DLG4: variants seen among roughly 807,000 people sequenced by gnomAD.
DLG4 encodes discs large MAGUK scaffold protein 4.
DLG4 carries 7 observed loss-of-function variants against 93.8 expected under a neutral mutation model. The ratio of observed to expected loss-of-function variants is 0.07; its 90% CI spans 0.04 to 0.14. The LOEUF (loss-of-function observed/expected upper bound fraction) is 0.14, where lower values mean the gene tolerates loss of function less well. Ranked by LOEUF, DLG4 falls within the 10% of genes least tolerant of loss-of-function variation. The probability of loss-of-function intolerance (pLI) is 1.00; values close to 1 mark genes in which losing one functional copy is unlikely to be tolerated. For synonymous variants in DLG4, 341 were observed against 387.6 expected, an observed-to-expected ratio of 0.88 and a Z score of 1.41; for missense variants, 545 against 992.9, an observed-to-expected ratio of 0.55 and a Z score of 6.06.
At position 7,193,333 on chromosome 17, in the gene DLG4, G is replaced by C. The variant is rs997762537; in HGVS notation, c.1693+150C>G. On this transcript the variant is annotated intron_variant, in intron 16 of 19. Transcript: ENST00000399506. The surrounding 1 kb of genome is among the most constrained non-coding windows in gnomAD (Gnocchi z 6.7). ...TGGGCATGGGTACTATGGAATGAGA[G>C]GGTGGCTGAGAAGCACCCCTTCTCG... 6.1e-6 allele frequency: 6 copies of C among 990,478 alleles called. No individual in the cohort carries two copies. In the African/African-American group the frequency reaches 9.8e-5, roughly 16 times the overall value. 61.4% of individuals were successfully genotyped at this position (990,478 alleles called of 1,614,324 possible).
intron 2 of DLG4, chr17:7,204,469 G>A (rs2070349906): frequency 7.6e-6 from 4 of 524,366 alleles, no homozygotes; most frequent in Non-Finnish European, 1.3e-5. Flanking sequence ...ATGCACACGC[G>A]CAAGGATCTA....
intron 17 of DLG4, 89 bp from the exon 18 acceptor site, chr17:7,192,091 T>G (rs1597439601): frequency 1.5e-5 from 10 of 683,316 alleles, no homozygotes; most frequent in South Asian, 6.3e-5. Context: ...CGGGGAGAGG[T>G]GGGGAATGGG....
In DLG4 at chr17:7,193,429, C is replaced by T. The variant is rs992745660; in HGVS notation, c.1693+54G>A. On this transcript the variant is annotated intron_variant, in intron 16 of 19. Coordinates refer to ENST00000399506, the MANE Select transcript of DLG4 (RefSeq NM_001321075.3). This position sits in a 1 kb window ranked among gnomAD's most constrained non-coding sequence, Gnocchi z 6.7. ...GCCTATGGCCCCAGGGATGGGCCTC[C>T]CCTGCCCCACCCCCACTTCCACCTT... 3.4e-6 allele frequency: 5 copies of T among 1,477,332 alleles called. No homozygotes were observed. In the African/African-American group the frequency reaches 5.6e-5, roughly 17 times the overall value. The allele number at this position is 1,477,332 out of a possible 1,614,324, so 91.5% of individuals were successfully genotyped here. A position where few individuals can be genotyped will look rare whatever the true frequency, so the allele number is the denominator to read the frequency against.
At chr17:7,205,234 TC>T (rs1365980687) in intron 2 of DLG4, 7 of 905,242 alleles carry the variant, frequency 7.7e-6, no homozygotes, top group Non-Finnish European at 2.6e-6. Context: ...ATCTACTCCC[TC>T]CCCCCACTTC....
In DLG4 at chr17:7,187,330, G is replaced by A. The variant is rs1176619317; in HGVS notation, c.*3378C>T. 2.6e-5 allele frequency among the ~76,000 whole-genome samples: 2 copies of A among 78,128 alleles called. No individual in the cohort carries two copies. Among genetic ancestry groups the A allele is most frequent in the Admixed American group, 1.9e-4 (1 of 5,344 alleles). The allele number at this position is 78,128 out of a possible 152,430, so 51.3% of individuals were successfully genotyped here. A position where few individuals can be genotyped will look rare whatever the true frequency, so the allele number is the denominator to read the frequency against. On this transcript the variant is annotated 3_prime_UTR_variant, in exon 20 of 20. Transcript: ENST00000399506. ...CGAGGGGGGGGGGGGTGGATCACCC[G>A]AGGTCAGGAGTTCGAGACCAGCCTG...
chr17:7,197,183 GGGT>G, intron 8 of DLG4, 131 bp from the exon 9 acceptor site: 1 of 844,876 alleles, frequency 1.2e-6, no homozygotes, highest in Non-Finnish European at 1.8e-6. Context: ...TGCCAGGGTG[GGGT>G]GGTAAGGGGA....
rs1438660995 is a variant in DLG4, at chr17:7,203,878, G to A, written c.211-62C>T. 1.2e-6 allele frequency: 2 copies of A among 1,602,512 alleles called. No individual in the cohort carries two copies. The highest frequency in any genetic ancestry group is 1.3e-5 in the African/African-American group (1 of 74,596). ...CTGCCCAAGTCTGGCAAGGCAAGTG[G>A]GGTGGGAAATGGCTTGGAGCAGCCA... On this transcript the variant is annotated intron_variant, in intron 4 of 19. Transcript: ENST00000399506. This position sits in a 1 kb window ranked among gnomAD's most constrained non-coding sequence, Gnocchi z 7.2.
intron 1 of DLG4, among the ~76,000 whole-genome samples, chr17:7,214,438 C>A (rs1401300970): frequency 6.6e-6 from 1 of 152,178 alleles, no homozygotes; most frequent in Non-Finnish European, 1.5e-5. Context: ...CCTCCGTCCA[C>A]TTCCCGCCCG....
chr17:7,209,159 G>A (rs1196148783), intron 1 of DLG4, among the ~76,000 whole-genome samples: 1 of 152,144 alleles, frequency 6.6e-6, no homozygotes, highest in Non-Finnish European at 1.5e-5. Context: ...CTCTTTTGGG[G>A]TGAAAGGCCC....
In DLG4 at chr17:7,193,581, T is replaced by C. The variant is rs1263021242; in HGVS notation, c.1595A>G (p.His532Arg). ...AAGGATGATGATGGGGCGAGCATAG[T>C]GCACTGCAGAGAGAGCCTGGCTTAG... ...SYETVTQMEV[H>R]YARPIIILGP... The change falls in exon 16 of 20, where the codon CAC (histidine) becomes CGC (arginine). Residue 532 changes from histidine to arginine, a missense_variant. His to Arg is a conservative substitution (Grantham distance 29). Transcript: ENST00000399506. This position sits in a 1 kb window ranked among gnomAD's most constrained non-coding sequence, Gnocchi z 6.7. The C allele has an allele frequency of 6.6e-7, 1 of 1,525,514 alleles. No individual in the cohort carries two copies. Among genetic ancestry groups the C allele is most frequent in the Non-Finnish European group, 8.8e-7 (1 of 1,139,682 alleles). The allele number at this position is 1,525,514 out of a possible 1,614,324, so 94.5% of individuals were successfully genotyped here. A position where few individuals can be genotyped will look rare whatever the true frequency, so the allele number is the denominator to read the frequency against.
intron 8 of DLG4, among the ~76,000 whole-genome samples, chr17:7,197,278 A>C (rs2069843571): frequency 6.6e-6 from 1 of 151,906 alleles, no homozygotes; most frequent in Non-Finnish European, 1.5e-5. Context: ...AAGGATTTGA[A>C]CGTTATATGT....
chr17:7,192,953 C>A lies in DLG4; in HGVS notation c.1858G>T (p.Ala620Ser). ...GTSVQSVREV[A>S]EQGKHCILDV... ...TGCCCGCCAGGTCCTACCTGCTCTG[C>A]CACCTCTCGCACGGACTGGACGCTG... Residue 620 changes from alanine (A) to serine (S), a missense_variant, in exon 17 of 20, where the codon GCA (alanine) becomes TCA (serine). Ala to Ser is a moderately conservative substitution (Grantham distance 99, BLOSUM62 1). Transcript: ENST00000399506. The A allele has an allele frequency of 6.2e-7, 1 of 1,612,290 alleles. No homozygotes were observed. Among genetic ancestry groups the A allele is most frequent in the Non-Finnish European group, 8.5e-7 (1 of 1,179,030 alleles).
chr17:7,207,812 A>ACG (rs1303271973), intron 2 of DLG4, among the ~76,000 whole-genome samples: 1 of 151,814 alleles, frequency 6.6e-6, no homozygotes, highest in Admixed American at 6.6e-5. Flanking sequence ...GCGCACAGGC[A>ACG]CGCGCGCACA....
intron 1 of DLG4, among the ~76,000 whole-genome samples, chr17:7,215,988 G>A (rs1358985784): frequency 2.7e-5 from 4 of 150,310 alleles, no homozygotes; most frequent in African/African-American, 9.8e-5. Context: ...GAGAGCCTAG[G>A]TATCTGCATC....
upstream of DLG4, chr17:7,218,785 C>A (rs186123640): frequency 1.3e-3 from 2,042 of 1,612,276 alleles, 9 homozygotes; most frequent in African/African-American, 8.2e-3. Context: ...CCCAGCCCCC[C>A]ACTTCGCTCC....
intron 1 of DLG4, among the ~76,000 whole-genome samples, chr17:7,210,180 G>A (rs1216975306): frequency 6.6e-6 from 1 of 152,162 alleles, no homozygotes; most frequent in Non-Finnish European, 1.5e-5. Context: ...CAATCCTTGA[G>A]TAGGATTCTG....
At chr17:7,219,845 G>T, upstream of DLG4, 1 of 1,538,290 alleles carries the variant, frequency 6.5e-7, no homozygotes. Flanking sequence ...ACAGCTCCCA[G>T]CATGCCCCGG....
intron 1 of DLG4, among the ~76,000 whole-genome samples, chr17:7,216,222 C>T (rs1464276997): frequency 6.6e-6 from 1 of 152,122 alleles, no homozygotes; most frequent in South Asian, 2.1e-4. Context: ...CTGGAACAGT[C>T]CCCACATCTG....
intron 1 of DLG4, among the ~76,000 whole-genome samples, chr17:7,212,128 C>T (rs1048290371): frequency 1.3e-5 from 2 of 152,068 alleles, no homozygotes; most frequent in African/African-American, 4.8e-5. Context: ...ACTGGCCTCC[C>T]AGAGTCCAGG....
Sources: gnomAD v4.1 joint callset for allele counts (sites outside exome capture counted in the v4.1 genomes callset) on GRCh38, gnomAD v4.1.1 for gene constraint, Gnocchi (gnomAD v3.1) non-coding constraint, MANE v1.5 for transcripts, NCBI Gene and HGNC (gene_info 2026-07-23, HGNC 2026-07-21) for gene names.